ZNF282: variants seen among roughly 807,000 people sequenced by gnomAD.
The protein encoded by ZNF282 is zinc finger protein 282, also known as HTLV-I U5 repressive element-binding protein 1.
Under a neutral mutation model 61.9 loss-of-function variants are expected in ZNF282, and 30 were observed. That is an observed-to-expected ratio of 0.48 (90% confidence interval 0.36 to 0.66). The LOEUF (loss-of-function observed/expected upper bound fraction) is 0.66. Among genes scored for constraint, ZNF282 ranks in the 30% least tolerant of loss-of-function variants. The pLI, the probability that ZNF282 is intolerant of heterozygous loss-of-function variation, is 0.00. For synonymous variants in ZNF282, 396 were observed against 405.0 expected (o/e 0.98, Z 0.27); for missense variants, 788 against 941.4 (o/e 0.84, Z 2.13).
At chr7:149,195,968 C>G (rs1248660113) in intron 1 of ZNF282, among the ~76,000 whole-genome samples, 3 of 150,044 alleles carry the variant, frequency 2.0e-5, no homozygotes, top group African/African-American at 2.4e-5. Context: ...AGGCCTGGCC[C>G]GCGCGGCGCG....
rs1225187885 is a variant in ZNF282, at chr7:149,198,304, G to A, written c.166-29G>A. 2.5e-6 allele frequency: 4 copies of A among 1,572,486 alleles called. No individual in the cohort carries two copies. Among genetic ancestry groups the A allele is most frequent in the Non-Finnish European group, 3.5e-6 (4 of 1,156,962 alleles). On this transcript the variant is annotated intron_variant, in intron 1 of 7. Coordinates refer to ENST00000610704, the MANE Select transcript of ZNF282 (RefSeq NM_003575.4). The surrounding 1 kb of genome is among the most constrained non-coding windows in gnomAD (Gnocchi z 4.3). ...CCCGGCTCACACAAGGTCTCATCCT[G>A]GGTTGTCGCTTTCTCCCTCTGCATA...
chr7:149,224,032 T>A lies in ZNF282; in HGVS notation c.1401T>A (p.Gly467=). Residue 467 remains glycine (G), a synonymous_variant, in exon 8 of 8, where the codon GGT becomes GGA. Transcript: ENST00000610704. ...GTGGCTCCGGCGAGGCGCCGCCGGGTGGGGACCGCAGCACCGGGGGCGGCG... is the reference window on the plus strand; with the variant it reads ...GTGGCTCCGGCGAGGCGCCGCCGGGAGGGGACCGCAGCACCGGGGGCGGCG... The part of the protein sequence containing the change: ...GERGSGEAPP[G]GDRSTGGGGG... 8.3e-7 allele frequency: 1 copy of A among 1,200,690 alleles called. No individual in the cohort carries two copies. The highest frequency in any genetic ancestry group is 3.6e-5 in the East Asian group (1 of 27,780). 74.4% of individuals were successfully genotyped at this position (1,200,690 alleles called of 1,614,324 possible).
chr7:149,216,610 A>G (rs1335560038), intron 7 of ZNF282, among the ~76,000 whole-genome samples: 1 of 152,118 alleles, frequency 6.6e-6, no homozygotes, highest in Non-Finnish European at 1.5e-5. Context: ...GGTTTCTTTG[A>G]TGTTTAAAAC....
At chr7:149,203,953 T>G (rs1367199357) in intron 2 of ZNF282, among the ~76,000 whole-genome samples, 1 of 152,176 alleles carries the variant, frequency 6.6e-6, no homozygotes, top group Non-Finnish European at 1.5e-5. Flanking sequence ...AAAATAATTA[T>G]TTATCATCTC....
chr7:149,213,843 G>A, intron 7 of ZNF282, 29 bp downstream of exon 7: 1 of 1,555,776 alleles, frequency 6.4e-7, no homozygotes, highest in Non-Finnish European at 8.9e-7. Flanking sequence ...TAGACCCTGG[G>A]GTTTCTTCTC....
intron 7 of ZNF282, among the ~76,000 whole-genome samples, chr7:149,215,228 A>T (rs1442523418): frequency 1.6e-5 from 2 of 122,912 alleles, no homozygotes; most frequent in African/African-American, 6.0e-5. Context: ...TTTGAGACAG[A>T]GTCTCACTCT....
rs1585579603 is a variant in ZNF282 at position 149,224,065 on chromosome 7, T to G, written c.1434T>G (p.Asp478Glu). 1 of 986,388 alleles carries G rather than the reference T, an allele frequency of 1.0e-6. No individual in the cohort carries two copies. Among genetic ancestry groups the G allele is most frequent in the Non-Finnish European group, 1.3e-6 (1 of 784,112 alleles). The allele number at this position is 986,388 out of a possible 1,614,324, so 61.1% of individuals were successfully genotyped here. A position where few individuals can be genotyped will look rare whatever the true frequency, so the allele number is the denominator to read the frequency against. The change falls in exon 8 of 8, where the codon GAT (aspartate) becomes GAG (glutamate). Residue 478 changes from aspartate to glutamate, a missense_variant. By Grantham distance (45) the Asp-to-Glu change is conservative (BLOSUM62 2). This residue lies in a region of ZNF282 where 559 missense variants were observed against 642.0 expected (regional missense o/e 0.87). Transcript: ENST00000610704. ...GDRSTGGGGGDGGGGGGGAEA... is the reference protein window; with the variant it reads ...GDRSTGGGGGEGGGGGGGAEA... ...GCAGCACCGGGGGCGGCGGGGGCGATGGGGGCGGTGGGGGCGGCGGCGCGG... is the reference window on the plus strand; with the variant it reads ...GCAGCACCGGGGGCGGCGGGGGCGAGGGGGGCGGTGGGGGCGGCGGCGCGG...
intron 2 of ZNF282, among the ~76,000 whole-genome samples, chr7:149,204,880 A>G (rs531138290): frequency 1.5e-3 from 235 of 152,286 alleles, no homozygotes; most frequent in African/African-American, 5.2e-3. Flanking sequence ...ACACTTGGGG[A>G]GGCCAAGGCA....
Position 149,207,421 on chromosome 7 carries a change from G to A in ZNF282, c.783G>A (p.Trp261Ter). Residue 261 changes from tryptophan (W) to a stop codon, truncating the protein, a stop_gained, in exon 4 of 8, where the codon TGG becomes TGA. Transcript: ENST00000610704. LOFTEE classifies it high-confidence loss of function. Reference sequence around the variant, plus strand: ...AGCCCAGGGAAGAACCTTGTGTGTGGGAGCAGCGCCACCCCGAAGAGAGAG... The same window carrying A: ...AGCCCAGGGAAGAACCTTGTGTGTGAGAGCAGCGCCACCCCGAAGAGAGAG... ...QAEPREEPCV[W>*]EQRHPEEREI... The A allele has an allele frequency of 6.4e-7, 1 of 1,571,160 alleles. No individual in the cohort carries two copies. The highest frequency in any genetic ancestry group is 8.6e-7 in the Non-Finnish European group (1 of 1,156,810).
At position 149,206,813 on chromosome 7, in the gene ZNF282, A is replaced by G; in HGVS notation, c.703A>G (p.Met235Val). ...NLVKENYKTL[M>V]SLDAEGSVPK... ...TGTTAAGGAGAACTACAAAACCCTC[A>G]TGTCCCTGGGTAAGGACACCTTCTC... The change falls in exon 3 of 8, where the codon ATG becomes GTG. Residue 235 changes from methionine to valine, a missense_variant. Around this residue, in one of 3 missense-constraint regions of ZNF282, gnomAD observed 559 missense variants for 642.0 expected, o/e 0.87. Transcript: ENST00000610704. 1 of 1,614,090 alleles carries G rather than the reference A, an allele frequency of 6.2e-7. No homozygotes were observed. Among genetic ancestry groups the G allele is most frequent in the Non-Finnish European group, 8.5e-7 (1 of 1,180,010 alleles).
chr7:149,206,225 C>T (rs944446204), intron 2 of ZNF282, among the ~76,000 whole-genome samples: 8 of 152,154 alleles, frequency 5.3e-5, no homozygotes, highest in Non-Finnish European at 1.0e-4. Flanking sequence ...GGACCAAGGT[C>T]CTGAACCTTA....
rs1796307608 is a variant in ZNF282, at chr7:149,223,921, GC to G, written c.1296del (p.Ile433SerfsTer134). 7.5e-7 allele frequency: 1 copy of G among 1,341,822 alleles called. No individual in the cohort carries two copies. The highest frequency in any genetic ancestry group is 2.6e-4 in the Middle Eastern group (1 of 3,826). 83.1% of individuals were successfully genotyped at this position (1,341,822 alleles called of 1,614,324 possible). On this transcript the variant is annotated frameshift_variant, in exon 8 of 8. Transcript: ENST00000610704. LOFTEE classifies it low-confidence loss of function (END_TRUNC). ...AGTCGCAGCCCCAGCCCCAGAGCCT[GC>G]CCCCCATCGCGGTGGCCGAGAACCC... is the stretch of plus-strand genomic sequence containing the variant. Reference protein sequence around the residue: ...LQSQPQPQSLPPIAVAENPGG... With the variant: ...LQSQPQPQSLXPIAVAENPGG...
intron 6 of ZNF282, among the ~76,000 whole-genome samples, chr7:149,212,877 C>T (rs561282116): frequency 4.6e-5 from 7 of 152,242 alleles, no homozygotes; most frequent in South Asian, 2.1e-4. Flanking sequence ...CCACCGCGTC[C>T]GGCCATTCAG....
At chr7:149,220,144 C>T (rs562557806) in intron 7 of ZNF282, among the ~76,000 whole-genome samples, 3 of 152,244 alleles carry the variant, frequency 2.0e-5, no homozygotes, top group Admixed American at 6.5e-5. Flanking sequence ...CACGGTGGCT[C>T]ACGCCTGTAA....
At chr7:149,206,935 G>T in intron 3 of ZNF282, 113 bp downstream of exon 3, 2 of 1,386,198 alleles carry the variant, frequency 1.4e-6, no homozygotes, top group Non-Finnish European at 2.0e-6. Context: ...TTATGTAATG[G>T]AAACTCAGGA....
intron 2 of ZNF282, among the ~76,000 whole-genome samples, chr7:149,202,662 G>A (rs1795929955): frequency 6.6e-6 from 1 of 151,476 alleles, no homozygotes; most frequent in Non-Finnish European, 1.5e-5. Flanking sequence ...TGTTGTCCAG[G>A]CTGGTCTCAA....
chr7:149,201,082 G>A (rs889656364), intron 2 of ZNF282, among the ~76,000 whole-genome samples: 6 of 152,134 alleles, frequency 3.9e-5, no homozygotes, highest in South Asian at 4.1e-4. Context: ...ACTGCGGATC[G>A]CCTGCCTGAG....
intron 4 of ZNF282, among the ~76,000 whole-genome samples, chr7:149,209,976 G>C (rs763252047): frequency 5.9e-5 from 9 of 152,122 alleles, no homozygotes; most frequent in Non-Finnish European, 1.2e-4. Flanking sequence ...GTTATTTGAG[G>C]ATCTGCTATG....
rs374922258 is a variant in ZNF282 at position 149,198,624 on chromosome 7, G to T, written c.457G>T (p.Val153Leu). The T allele has an allele frequency of 6.2e-7, 1 of 1,614,166 alleles. No individual in the cohort carries two copies. The highest frequency in any genetic ancestry group is 1.1e-5 in the South Asian group (1 of 91,084). ...GAACCACATGGAGAGCAAGTGGGCC[G>T]TGCTGGGGACCCTGCTGCAGGAGTA... Reference protein sequence around the residue: ...FGNHMESKWAVLGTLLQEYGL... With the variant: ...FGNHMESKWALLGTLLQEYGL... Residue 153 changes from valine to leucine, a missense_variant, in exon 2 of 8, where the codon GTG (valine) becomes TTG (leucine). By Grantham distance (32) the Val-to-Leu change is conservative. Coordinates refer to ENST00000610704, the MANE Select transcript of ZNF282 (RefSeq NM_003575.4). The surrounding 1 kb of genome is among the most constrained non-coding windows in gnomAD (Gnocchi z 4.3).
Sources: gnomAD v4.1 joint callset for allele counts (sites outside exome capture counted in the v4.1 genomes callset) on GRCh38, gnomAD v4.1.1 for gene constraint, gnomAD v4.1.1 regional missense constraint, Gnocchi (gnomAD v3.1) non-coding constraint, MANE v1.5 for transcripts, NCBI Gene and HGNC (gene_info 2026-07-23, HGNC 2026-07-21) for gene names.